The following IQGAP2 variants were observed in gnomAD, a reference collection of about 807,000 sequenced individuals.
IQGAP2 encodes IQ motif containing GTPase activating protein 2.
A neutral mutation model predicts 201.3 loss-of-function variants in IQGAP2; 173 were observed. That is an observed-to-expected ratio of 0.86 (90% confidence interval 0.76 to 0.98). IQGAP2 has a LOEUF of 0.98. IQGAP2 is among the 50% of genes least tolerant of loss of function. The pLI is 0.00. For missense variants in IQGAP2, 1,687 were observed against 1,864.8 expected (o/e 0.90, Z 1.76); for synonymous variants, 675 against 673.9 (o/e 1.00, Z -0.03).
chr5:76,703,431 CA>C (rs1466665652), intron 35 of IQGAP2, among the ~76,000 whole-genome samples: 3 of 152,152 alleles, frequency 2.0e-5, no homozygotes, highest in African/African-American at 7.2e-5. Flanking sequence ...GCTGGGATTA[CA>C]GGCATTAGCC....
intron 1 of IQGAP2, among the ~76,000 whole-genome samples, chr5:76,432,182 G>A (rs1458293039): frequency 4.3e-5 from 6 of 139,250 alleles, no homozygotes; most frequent in African/African-American, 1.6e-4. Context: ...CTGGAGTTCA[G>A]TGGCTGGATC....
chr5:76,414,512 A>T (rs546933184), intron 1 of IQGAP2, among the ~76,000 whole-genome samples: 1 of 152,188 alleles, frequency 6.6e-6, no homozygotes, highest in Admixed American at 6.5e-5. Flanking sequence ...AGAAACAAAG[A>T]TACATTTATT....
chr5:76,491,802 C>T (rs1229302884), intron 2 of IQGAP2, among the ~76,000 whole-genome samples: 1 of 152,160 alleles, frequency 6.6e-6, no homozygotes, highest in African/African-American at 2.4e-5. Context: ...TTATATGTCT[C>T]GGAACATGCT....
chr5:76,426,905 GGTGT>G (rs141560559), intron 1 of IQGAP2, among the ~76,000 whole-genome samples: 92 of 146,686 alleles, frequency 6.3e-4, no homozygotes, highest in South Asian at 1.3e-3. Flanking sequence ...AACCATGGAG[GGTGT>G]GTGTGTGTGT....
At chr5:76,594,720 A>G (rs1472272842) in intron 9 of IQGAP2, among the ~76,000 whole-genome samples, 2 of 152,176 alleles carry the variant, frequency 1.3e-5, no homozygotes, top group Non-Finnish European at 2.9e-5. Context: ...TAATCCCAGC[A>G]CTTTGGGAGG....
At chr5:76,661,579 T>TA (rs1743251066) in intron 21 of IQGAP2, among the ~76,000 whole-genome samples, 1 of 152,244 alleles carries the variant, frequency 6.6e-6, no homozygotes, top group Non-Finnish European at 1.5e-5. Flanking sequence ...TCACTGCTTA[T>TA]ATTAACATGT....
chr5:76,459,970 A>T (rs1156334248), intron 1 of IQGAP2, among the ~76,000 whole-genome samples: 2 of 152,162 alleles, frequency 1.3e-5, no homozygotes, highest in Non-Finnish European at 2.9e-5. Flanking sequence ...TCTATTCATT[A>T]TGGAGTAATG....
At chr5:76,545,983 T>C (rs767202378) in intron 2 of IQGAP2, among the ~76,000 whole-genome samples, 5 of 152,230 alleles carry the variant, frequency 3.3e-5, no homozygotes, top group Non-Finnish European at 7.3e-5. Flanking sequence ...TGCGTATCAT[T>C]GGTCTTTGTT....
intron 1 of IQGAP2, among the ~76,000 whole-genome samples, chr5:76,459,093 G>A (rs908276213): frequency 1.1e-4 from 17 of 152,136 alleles, no homozygotes; most frequent in African/African-American, 3.9e-4. Flanking sequence ...TCAATATGTT[G>A]CAATTGCAAT....
At chr5:76,442,504 C>G (rs182679206) in intron 1 of IQGAP2, among the ~76,000 whole-genome samples, 3 of 152,142 alleles carry the variant, frequency 2.0e-5, no homozygotes, top group Non-Finnish European at 4.4e-5. Context: ...CTTTATCACA[C>G]GAAGTAAACC....
intron 2 of IQGAP2, among the ~76,000 whole-genome samples, chr5:76,463,756 G>A (rs1338836646): frequency 6.6e-6 from 1 of 151,988 alleles, no homozygotes; most frequent in Non-Finnish European, 1.5e-5. Context: ...CCTCTAAGAT[G>A]GCTTTTCATA....
At chr5:76,677,009 T>A (rs150157579) in intron 27 of IQGAP2, 4 of 508,066 alleles carry the variant, frequency 7.9e-6, no homozygotes, top group African/African-American at 5.8e-5. Context: ...CTCTCTCCAA[T>A]CCTGTTTGAG....
chr5:76,470,827 G>T (rs950836089), intron 2 of IQGAP2, among the ~76,000 whole-genome samples: 9 of 152,114 alleles, frequency 5.9e-5, no homozygotes, highest in Non-Finnish European at 8.8e-5. Flanking sequence ...GGCCCTCAAA[G>T]CTAACTTTAT....
chr5:76,671,688 GGA>G (rs1491381898), intron 23 of IQGAP2, 69 bp from the exon 24 acceptor site: 18 of 989,268 alleles, frequency 1.8e-5, no homozygotes, highest in Non-Finnish European at 2.2e-5. Flanking sequence ...ACTGTCTCGG[GGA>G]AAAAAAAAAA....
rs568231754 is a variant in IQGAP2 at position 76,526,854 on chromosome 5, A to C, written c.147-35542A>C. 5.9e-5 allele frequency among the ~76,000 whole-genome samples: 9 copies of C among 152,358 alleles called. No individual in the cohort carries two copies. In the South Asian group the frequency reaches 6.2e-4, roughly 11 times the overall value. On this transcript the variant is annotated intron_variant, in intron 2 of 35. Coordinates refer to ENST00000274364, the MANE Select transcript of IQGAP2 (RefSeq NM_006633.5). ...CTTAAGGGGAAACTCAAAAGTGTGG[A>C]TACCTTGATTTTGTCTGGATATTTT...
chr5:76,676,565 G>A (rs370930147), intron 27 of IQGAP2, among the ~76,000 whole-genome samples: 1 of 152,252 alleles, frequency 6.6e-6, no homozygotes, highest in African/African-American at 2.4e-5. Context: ...ATTCAACTGT[G>A]ATCACAGCAT....
intron 2 of IQGAP2, among the ~76,000 whole-genome samples, chr5:76,472,934 C>T (rs538500926): frequency 6.6e-6 from 1 of 152,144 alleles, no homozygotes; most frequent in Non-Finnish European, 1.5e-5. Flanking sequence ...TCACCAGGCA[C>T]GGTGCTTTAA....
chr5:76,431,758 G>C (rs535989171), intron 1 of IQGAP2, among the ~76,000 whole-genome samples: 1 of 149,518 alleles, frequency 6.7e-6, no homozygotes, highest in Admixed American at 6.7e-5. Flanking sequence ...GGGAGGCGGA[G>C]ATTGCAGTGA....
At chr5:76,506,114 G>A (rs1290242858) in intron 2 of IQGAP2, among the ~76,000 whole-genome samples, 3 of 152,200 alleles carry the variant, frequency 2.0e-5, no homozygotes, top group African/African-American at 7.2e-5. Flanking sequence ...AAGTCAGGAA[G>A]TATCCATAGT....
Sources: gnomAD v4.1 joint callset for allele counts (sites outside exome capture counted in the v4.1 genomes callset) on GRCh38, gnomAD v4.1.1 for gene constraint, MANE v1.5 for transcripts, NCBI Gene and HGNC (gene_info 2026-07-23, HGNC 2026-07-21) for gene names.